The following SLC7A8 variants were observed in gnomAD, a reference collection of about 807,000 sequenced individuals.
SLC7A8 encodes solute carrier family 7 member 8, also known as large neutral amino acids transporter small subunit 2.
A neutral mutation model predicts 51.2 loss-of-function variants in SLC7A8; 30 were observed. The observed-to-expected ratio is 0.59, with a 90% CI of 0.44 to 0.80. The LOEUF (loss-of-function observed/expected upper bound fraction) is 0.80. Among genes scored for constraint, SLC7A8 ranks in the 30% least tolerant of loss-of-function variants. The pLI is 0.00. For missense variants in SLC7A8, 612 were observed against 674.4 expected (o/e 0.91, Z 1.03); for synonymous variants, 257 against 275.8 (o/e 0.93, Z 0.67).
chr14:23,156,944 GTTGAAGCACA>G (rs1229998037), intron 3 of SLC7A8, among the ~76,000 whole-genome samples: 4 of 152,222 alleles, frequency 2.6e-5, no homozygotes, highest in Non-Finnish European at 4.4e-5. Flanking sequence ...TGGGCCAGCA[GTTGAAGCACA>G]TTGAAACGAA....
rs748339188 is a variant in SLC7A8, at chr14:23,165,347, G to T, written c.446C>A (p.Pro149Gln). Residue 149 changes from proline to glutamine, a missense_variant, in exon 3 of 11, where the codon CCG becomes CAG. By Grantham distance (76) the Pro-to-Gln change is moderately conservative (BLOSUM62 -1). Transcript: ENST00000316902. The surrounding 1 kb of genome is among the most constrained non-coding windows in gnomAD (Gnocchi z 4.2). ...TGGGGGGAAGCAGGTGGGGAAGAGC[G>T]GCTGCAGCACGTAGTTGGAGAAGGT... The part of the protein sequence containing the change: ...ALTFSNYVLQ[P>Q]LFPTCFPPES... The T allele has an allele frequency of 1.2e-6, 2 of 1,605,474 alleles. No homozygotes were observed. Among genetic ancestry groups the T allele is most frequent in the Non-Finnish European group, 1.7e-6 (2 of 1,176,966 alleles).
At chr14:23,155,056 C>A in intron 3 of SLC7A8, 1 of 911,034 alleles carries the variant, frequency 1.1e-6, no homozygotes, top group Non-Finnish European at 1.6e-6. Flanking sequence ...CGCTTTGATC[C>A]CAGCTTCTAT....
Position 23,161,925 on chromosome 14 carries a change from T to TCAAAAAAAAAAA in SLC7A8, c.508+3359_508+3360insTTTTTTTTTTTG, listed in dbSNP as rs57814296. On this transcript the variant is annotated intron_variant, in intron 3 of 10. Transcript: ENST00000316902. Reference sequence around the variant, plus strand: ...CTGGGTGACAGAGTGAGACTCCATCTAAAAAAAAAAAAAAAAAAAGCATCT... The same window carrying TCAAAAAAAAAAA: ...CTGGGTGACAGAGTGAGACTCCATCTCAAAAAAAAAAAAAAAAAAAAAAAAAAAAAAGCATCT... Among the ~76,000 whole-genome samples, 2 of 107,174 alleles carry TCAAAAAAAAAAA rather than the reference T, an allele frequency of 1.9e-5. 1 individual carries two copies. The allele number at this position is 107,174 out of a possible 152,430, so 70.3% of individuals were successfully genotyped here.
intron 3 of SLC7A8, among the ~76,000 whole-genome samples, chr14:23,145,087 A>AT (rs1363026659): frequency 6.6e-6 from 1 of 151,338 alleles, no homozygotes; most frequent in Non-Finnish European, 1.5e-5. Flanking sequence ...CACCCAGCTA[A>AT]TTTTTTGTAT....
intron 3 of SLC7A8, chr14:23,155,567 A>G: frequency 8.8e-7 from 1 of 1,141,252 alleles, no homozygotes. Context: ...GCTGGCCTGG[A>G]TCGGGGAGAA....
chr14:23,128,301 C>T lies in SLC7A8; in HGVS notation c.1264-105G>A, dbSNP rs1323042446. 2.1e-5 allele frequency: 32 copies of T among 1,558,464 alleles called. No homozygotes were observed. The highest frequency in any genetic ancestry group is 2.7e-5 in the Non-Finnish European group (31 of 1,153,448). On this transcript the variant is annotated intron_variant, in intron 9 of 10. Transcript: ENST00000316902. The surrounding 1 kb of genome is among the most constrained non-coding windows in gnomAD (Gnocchi z 4.3). The stretch of plus-strand genomic sequence containing the variant: ...TTCTTCACCCACAGAGACACATCCT[C>T]AAGGGCAAAGGCTGGGCTTCCCTCG...
At chr14:23,180,869 C>CA (rs950021589) in intron 1 of SLC7A8, among the ~76,000 whole-genome samples, 10 of 151,774 alleles carry the variant, frequency 6.6e-5, no homozygotes, top group East Asian at 3.9e-4. Context: ...ACTAAAAATA[C>CA]AAAAAAAATT....
intron 7 of SLC7A8, among the ~76,000 whole-genome samples, chr14:23,134,477 GGAAAAA>G (rs2048670604): frequency 6.9e-6 from 1 of 144,616 alleles, no homozygotes; most frequent in Non-Finnish European, 1.5e-5. Flanking sequence ...ATAAGGAAAA[GGAAAAA>G]ATGAATAAAA....
In SLC7A8 at chr14:23,126,768, C is replaced by T. The variant is rs1172972518; in HGVS notation, c.*409G>A. ...TGACCCCTTGATGGGGACAGAATTG[C>T]TTGAGCCTGTCCCCCCACAATGCAG... is the stretch of plus-strand genomic sequence containing the variant. On this transcript the variant is annotated 3_prime_UTR_variant, in exon 11 of 11. Transcript: ENST00000316902. 2 of 231,206 alleles carry T rather than the reference C, an allele frequency of 8.7e-6. No homozygotes were observed. Among genetic ancestry groups the T allele is most frequent in the Non-Finnish European group, 1.7e-5 (2 of 115,008 alleles). The allele number at this position is 231,206 out of a possible 1,614,324, so 14.3% of individuals were successfully genotyped here. A position where few individuals can be genotyped will look rare whatever the true frequency, so the allele number is the denominator to read the frequency against.
intron 3 of SLC7A8, among the ~76,000 whole-genome samples, chr14:23,163,434 C>T (rs1416773270): frequency 6.6e-6 from 1 of 152,200 alleles, no homozygotes; most frequent in Non-Finnish European, 1.5e-5. Context: ...ACAAGGAATA[C>T]ACCCCCAAAC....
intron 3 of SLC7A8, among the ~76,000 whole-genome samples, chr14:23,145,902 G>A (rs1381550957): frequency 9.2e-5 from 14 of 152,206 alleles, no homozygotes; most frequent in Non-Finnish European, 5.9e-5. Context: ...TGTTGTCAGA[G>A]GAAGGATTTT....
chr14:23,134,631 C>T (rs1446807985), intron 7 of SLC7A8, among the ~76,000 whole-genome samples: 2 of 151,872 alleles, frequency 1.3e-5, no homozygotes, highest in Non-Finnish European at 2.9e-5. Context: ...GATTATAGCT[C>T]ACTGCAGCCT....
intron 1 of SLC7A8, among the ~76,000 whole-genome samples, chr14:23,180,063 G>A (rs1473652243): frequency 2.0e-5 from 3 of 151,816 alleles, no homozygotes; most frequent in South Asian, 4.2e-4. Flanking sequence ...GCGCCACGAC[G>A]CCCGGCTAAT....
intron 1 of SLC7A8, among the ~76,000 whole-genome samples, chr14:23,170,711 G>A (rs1182563176): frequency 2.0e-5 from 3 of 151,828 alleles, no homozygotes; most frequent in Admixed American, 6.6e-5. Context: ...CGCCTGCCTC[G>A]GCCTCCCAAA....
chr14:23,155,017 AAATC>A, intron 3 of SLC7A8: 1 of 601,138 alleles, frequency 1.7e-6, no homozygotes, highest in Non-Finnish European at 2.7e-6. Flanking sequence ...AAAAAAAAAA[AAATC>A]AAAGCAGCCC....
rs1017991810 is a variant in SLC7A8 at position 23,128,132 on chromosome 14, C to T, written c.1328G>A (p.Trp443Ter). ...AATGCCACACACCACCGGCTCTGAC[C>T]ACAGGCTGAAGACCAGCAGGAAGGC... ...FWAFLLVFSL[W>*]SEPVVCGIGL... The change falls in exon 10 of 11, where the codon TGG becomes TAG. Residue 443 changes from tryptophan (W) to a stop codon, truncating the protein, a stop_gained. Transcript: ENST00000316902. LOFTEE classifies it high-confidence loss of function. The surrounding 1 kb of genome is among the most constrained non-coding windows in gnomAD (Gnocchi z 4.3). The T allele has an allele frequency of 1.2e-6, 2 of 1,614,200 alleles. No individual in the cohort carries two copies. The highest frequency in any genetic ancestry group is 1.1e-5 in the South Asian group (1 of 91,082).
At chr14:23,147,638 G>A (rs1477505588) in intron 3 of SLC7A8, among the ~76,000 whole-genome samples, 1 of 152,192 alleles carries the variant, frequency 6.6e-6, no homozygotes, top group African/African-American at 2.4e-5. Flanking sequence ...TTCCAGGCTT[G>A]TATGTATTTT....
Position 23,165,379 on chromosome 14 carries a change from G to A in SLC7A8, c.414C>T (p.Ile138=), listed in dbSNP as rs35426759. 836 of 1,603,130 alleles carry A rather than the reference G, an allele frequency of 5.2e-4. 6 individuals are homozygous for A. In the African/African-American group the frequency reaches 9.9e-3, roughly 19 times the overall value. Residue 138 remains isoleucine, a synonymous_variant, in exon 3 of 11, where the codon ATC becomes ATT. Coordinates refer to ENST00000316902, the MANE Select transcript of SLC7A8 (RefSeq NM_012244.4). The surrounding 1 kb of genome is among the most constrained non-coding windows in gnomAD (Gnocchi z 4.2). ...GCACGTAGTTGGAGAAGGTGAGGGC[G>A]ATGACAGCCTGGTTGGTGGGGTAGA... ...LVIYPTNQAV[I]ALTFSNYVLQ...
At chr14:23,175,289 A>G (rs1235868260) in intron 1 of SLC7A8, among the ~76,000 whole-genome samples, 1 of 152,090 alleles carries the variant, frequency 6.6e-6, no homozygotes, top group Non-Finnish European at 1.5e-5. Flanking sequence ...GCTCACTGCA[A>G]CCTCCATCTC....
Sources: allele counts gnomAD v4.1 joint callset (sites outside exome capture counted in the v4.1 genomes callset), GRCh38; gene constraint gnomAD v4.1.1; non-coding constraint Gnocchi (gnomAD v3.1); transcripts MANE v1.5; gene names NCBI Gene and HGNC (gene_info 2026-07-23, HGNC 2026-07-21).